PDZD8: variants seen among roughly 807,000 people sequenced by gnomAD.
PDZD8 encodes the protein PDZ domain-containing protein 8.
In PDZD8, 14 loss-of-function variants were observed where a neutral mutation model predicts 85.8. That is an observed-to-expected ratio of 0.16 (90% CI 0.11 to 0.26). PDZD8 has a LOEUF of 0.26. Among genes scored for constraint, PDZD8 ranks in the 10% least tolerant of loss-of-function variants. The pLI, the probability that PDZD8 is intolerant of heterozygous loss-of-function variation, is 1.00. For synonymous variants in PDZD8, 592 were observed against 568.6 expected, an observed-to-expected ratio of 1.04 and a Z score of -0.59; for missense variants, 1,197 against 1,424.3, an observed-to-expected ratio of 0.84 and a Z score of 2.57.
chr10:117,284,228 A>G lies in PDZD8; in HGVS notation c.2505T>C (p.Gly835=). Residue 835 remains glycine, a synonymous_variant, in exon 5 of 5, where the codon GGT becomes GGC. Coordinates refer to ENST00000334464, the MANE Select transcript of PDZD8 (RefSeq NM_173791.5). The stretch of plus-strand genomic sequence containing the variant: ...GAAAACTGTGTTTGTTTTCTGTTAA[A>G]CCCATCTGTCCAACAAATTGCTCCT... ...PKEEQFVGQM[G]LTENKHSFQD... is the part of the protein sequence containing the mutation. 6.2e-7 allele frequency: 1 copy of G among 1,614,176 alleles called. No individual in the cohort carries two copies. The highest frequency in any genetic ancestry group is 1.1e-5 in the South Asian group (1 of 91,074).
intron 3 of PDZD8, among the ~76,000 whole-genome samples, chr10:117,293,667 T>G (rs985727486): frequency 5.3e-5 from 8 of 152,092 alleles, no homozygotes; most frequent in African/African-American, 1.9e-4. Context: ...GCAACCAATA[T>G]AACTAGAAAA....
chr10:117,333,125 A>AAACAAAAAAAC (rs1844455001), intron 2 of PDZD8, among the ~76,000 whole-genome samples: 2 of 144,730 alleles, frequency 1.4e-5, no homozygotes, highest in African/African-American at 5.1e-5. Flanking sequence ...CTCAAAAAAA[A>AAACAAAAAAAC]AAAAAAAAAA....
intron 1 of PDZD8, among the ~76,000 whole-genome samples, chr10:117,360,000 A>AT (rs1844968815): frequency 6.6e-6 from 1 of 151,966 alleles, no homozygotes; most frequent in Admixed American, 6.6e-5. Flanking sequence ...CAAAAAAAAA[A>AT]TTTCTCCTGC....
intron 1 of PDZD8, among the ~76,000 whole-genome samples, chr10:117,361,282 C>T (rs779514432): frequency 4.6e-5 from 7 of 152,048 alleles, no homozygotes; most frequent in Non-Finnish European, 1.0e-4. Flanking sequence ...AACCCATTAC[C>T]TTACTTTAAG....
chr10:117,303,575 T>C (rs1168863809), intron 3 of PDZD8, among the ~76,000 whole-genome samples: 1 of 152,108 alleles, frequency 6.6e-6, no homozygotes, highest in African/African-American at 2.4e-5. Flanking sequence ...CCCAAGACCA[T>C]GGGGAAAATG....
Position 117,284,792 on chromosome 10 carries a change from T to TGCA in PDZD8, c.1938_1940dup (p.Ala647dup). On this transcript the variant is annotated inframe_insertion, in exon 5 of 5. Coordinates refer to ENST00000334464, the MANE Select transcript of PDZD8 (RefSeq NM_173791.5). ...CTTGCTTTGCTAAAAATTGCTTAGG[T>TGCA]GCAGCTGCATCGTCTATGGCATCCA... 6 of 1,614,230 alleles carry TGCA rather than the reference T, an allele frequency of 3.7e-6. No individual in the cohort carries two copies. The highest frequency in any genetic ancestry group is 5.1e-6 in the Non-Finnish European group (6 of 1,180,030).
chr10:117,337,203 T>C (rs1382662665), intron 2 of PDZD8, among the ~76,000 whole-genome samples: 1 of 152,242 alleles, frequency 6.6e-6, no homozygotes, highest in African/African-American at 2.4e-5. Flanking sequence ...TGCTTAAGTA[T>C]ACATGCTTAC....
chr10:117,333,131 A>AAAAACAAAC lies in PDZD8; in HGVS notation c.995+7848_995+7849insGTTTGTTTT, dbSNP rs542186845. Among the ~76,000 whole-genome samples, 6 of 149,180 alleles carry AAAAACAAAC rather than the reference A, an allele frequency of 4.0e-5. 1 individual carries two copies. Among genetic ancestry groups the AAAAACAAAC allele is most frequent in the Admixed American group, 2.0e-4 (3 of 14,978 alleles). On this transcript the variant is annotated intron_variant, in intron 2 of 4. Transcript: ENST00000334464. Reference sequence around the variant, plus strand: ...GGACTCTGTCTCAAAAAAAAAAAAAAAAAAAAAAAAAAGGGGATATGGAGG... The same window carrying AAAAACAAAC: ...GGACTCTGTCTCAAAAAAAAAAAAAAAAAACAAACAAAAAAAAAAAAGGGGATATGGAGG...
At chr10:117,315,611 A>AAC (rs1564697094) in intron 3 of PDZD8, among the ~76,000 whole-genome samples, 1 of 150,948 alleles carries the variant, frequency 6.6e-6, no homozygotes, top group African/African-American at 2.5e-5. Flanking sequence ...AAAAAAAAAA[A>AAC]ACAATAATCT....
intron 1 of PDZD8, among the ~76,000 whole-genome samples, chr10:117,350,771 G>A (rs888908231): frequency 2.0e-5 from 3 of 151,652 alleles, no homozygotes; most frequent in African/African-American, 4.8e-5. Flanking sequence ...GGGTGTGGTG[G>A]CAGGTGCCTG....
At chr10:117,287,735 C>T (rs1261304584) in intron 4 of PDZD8, among the ~76,000 whole-genome samples, 2 of 152,166 alleles carry the variant, frequency 1.3e-5, no homozygotes, top group Non-Finnish European at 2.9e-5. Flanking sequence ...TCACTCAGAC[C>T]TTCCCTACTT....
At chr10:117,327,323 A>G (rs141661211) in intron 2 of PDZD8, among the ~76,000 whole-genome samples, 2 of 152,356 alleles carry the variant, frequency 1.3e-5, no homozygotes, top group East Asian at 3.9e-4. Context: ...ATGGGAGGCC[A>G]TTGTTTTGGA....
intron 3 of PDZD8, among the ~76,000 whole-genome samples, chr10:117,295,829 A>G (rs1285902793): frequency 6.6e-6 from 1 of 152,180 alleles, no homozygotes; most frequent in East Asian, 1.9e-4. Flanking sequence ...CTAGAAGTAT[A>G]AGAGAACTTC....
chr10:117,375,347 C>A lies in PDZD8; in HGVS notation c.-120G>T. 1 of 852,334 alleles carries A rather than the reference C, an allele frequency of 1.2e-6. No individual in the cohort carries two copies. The highest frequency in any genetic ancestry group is 3.2e-5 in the East Asian group (1 of 30,832). 52.8% of individuals were successfully genotyped at this position (852,334 alleles called of 1,614,324 possible). A position where few individuals can be genotyped will look rare whatever the true frequency, so the allele number is the denominator to read the frequency against. On this transcript the variant is annotated 5_prime_UTR_variant, in exon 1 of 5. Coordinates refer to ENST00000334464, the MANE Select transcript of PDZD8 (RefSeq NM_173791.5). ...GGCGGCTGGGTCGGGGCGAGCGGCT[C>A]CGTGGGCCTCGTCCAGGGGCTCGGG...
chr10:117,303,790 G>A (rs1843887793), intron 3 of PDZD8, among the ~76,000 whole-genome samples: 1 of 152,244 alleles, frequency 6.6e-6, no homozygotes, highest in South Asian at 2.1e-4. Flanking sequence ...GAGGGTGGAA[G>A]CCCCCAAGCC....
intron 3 of PDZD8, among the ~76,000 whole-genome samples, chr10:117,306,904 G>A (rs541833610): frequency 3.0e-4 from 46 of 152,100 alleles, no homozygotes; most frequent in African/African-American, 1.1e-3. Context: ...TACCTAACAA[G>A]GACATTCTCT....
Position 117,277,365 on chromosome 10 carries a change from C to G in PDZD8, c.*5903G>C, listed in dbSNP as rs1036128912. Reference sequence around the variant, plus strand: ...ACTGTCTTAGTCATACCATCCATCCCTGGTGAAAGAGTAAAACCAAAGGTT... The same window carrying G: ...ACTGTCTTAGTCATACCATCCATCCGTGGTGAAAGAGTAAAACCAAAGGTT... On this transcript the variant is annotated 3_prime_UTR_variant, in exon 5 of 5. Transcript: ENST00000334464. 5 of 644,284 alleles carry G rather than the reference C, an allele frequency of 7.8e-6. No individual in the cohort carries two copies. In the Admixed American group the frequency reaches 1.3e-4, roughly 17 times the overall value. The allele number at this position is 644,284 out of a possible 1,614,324, so 39.9% of individuals were successfully genotyped here.
intron 3 of PDZD8, among the ~76,000 whole-genome samples, chr10:117,296,698 T>G (rs1843765399): frequency 6.6e-6 from 1 of 152,030 alleles, no homozygotes; most frequent in African/African-American, 2.4e-5. Context: ...GCTAGATTAA[T>G]TAATAGGGAA....
rs1040005992 is a variant in PDZD8 at position 117,277,522 on chromosome 10, T to A, written c.*5746A>T. 4 of 217,880 alleles carry A rather than the reference T, an allele frequency of 1.8e-5. No homozygotes were observed. The highest frequency in any genetic ancestry group is 5.7e-5 in the Admixed American group (1 of 17,530). The allele number at this position is 217,880 out of a possible 1,614,324, so 13.5% of individuals were successfully genotyped here. ...TAATTTTATTAAATATCATACAATA[T>A]ATTTTGATGAAATAGGTATTGTGTA... On this transcript the variant is annotated 3_prime_UTR_variant, in exon 5 of 5. Transcript: ENST00000334464.
Sources: allele counts gnomAD v4.1 joint callset (sites outside exome capture counted in the v4.1 genomes callset), GRCh38; gene constraint gnomAD v4.1.1; transcripts MANE v1.5; gene names NCBI Gene and HGNC (gene_info 2026-07-23, HGNC 2026-07-21).